LYSMD4: variants seen among roughly 807,000 people sequenced by gnomAD.
LYSMD4 encodes the protein LysM domain containing 4, also known as lysM and putative peptidoglycan-binding domain-containing protein 4.
In LYSMD4, 9 loss-of-function variants were observed where a neutral mutation model predicts 6.1. The ratio of observed to expected loss-of-function variants is 1.47; its 90% CI spans 0.88 to 2.56. LYSMD4 has a LOEUF of 2.56. Ranked by LOEUF, LYSMD4 falls within the 30% of genes most tolerant of loss-of-function variation. The probability of loss-of-function intolerance (pLI) is 0.00; values close to 1 mark genes in which losing one functional copy is unlikely to be tolerated. For missense variants in LYSMD4, 384 were observed against 373.5 expected, an observed-to-expected ratio of 1.03 and a Z score of -0.23; for synonymous variants, 143 against 148.5, an observed-to-expected ratio of 0.96 and a Z score of 0.27.
intron 2 of LYSMD4, 35 bp from the exon 3 acceptor site, chr15:99,729,766 G>A (rs765368375): frequency 6.4e-7 from 1 of 1,552,304 alleles, no homozygotes; most frequent in East Asian, 2.3e-5. Flanking sequence ...CATAAAATAT[G>A]CGGAGCTCCT....
chr15:99,723,309 C>T (rs965307373), downstream of LYSMD4, among the ~76,000 whole-genome samples: 5 of 152,278 alleles, frequency 3.3e-5, no homozygotes, highest in South Asian at 4.1e-4. Flanking sequence ...AAAGCCACAC[C>T]GAGGCCCCTC....
chr15:99,720,479 C>T (rs2059229672), upstream of LYSMD4, among the ~76,000 whole-genome samples: 1 of 152,168 alleles, frequency 6.6e-6, no homozygotes, highest in African/African-American at 2.4e-5. Context: ...ACACAAGTTT[C>T]AAGGCTCTCA....
upstream of LYSMD4, among the ~76,000 whole-genome samples, chr15:99,718,784 T>C (rs549802301): frequency 6.6e-6 from 1 of 152,330 alleles, no homozygotes; most frequent in Admixed American, 6.5e-5. Flanking sequence ...CTATTCCTGG[T>C]TCCCTTTATT....
chr15:99,718,063 A>G (rs1400505575), upstream of LYSMD4, among the ~76,000 whole-genome samples: 3 of 152,228 alleles, frequency 2.0e-5, no homozygotes, highest in Admixed American at 1.3e-4. Flanking sequence ...TAAATACCTT[A>G]CTTGAATCTC....
In LYSMD4 at chr15:99,731,288, AC is replaced by A. The variant is rs2059403354; in HGVS notation, c.282+429del. ...TCTAAACGAGAGAAGGTAAAACTTT[AC>A]CAAAAGTCAAGTAAGCTACCACCAA... is the stretch of plus-strand genomic sequence containing the variant. On this transcript the variant is annotated intron_variant, in intron 2 of 2. Transcript: ENST00000684762. The A allele has an allele frequency of 4.4e-6, 7 of 1,601,188 alleles. No homozygotes were observed. In the South Asian group the frequency reaches 4.5e-5, roughly 10 times the overall value.
downstream of LYSMD4, among the ~76,000 whole-genome samples, chr15:99,726,334 G>C (rs922660457): frequency 6.6e-6 from 1 of 151,822 alleles, no homozygotes; most frequent in African/African-American, 2.4e-5. Flanking sequence ...AGTAGAGAGG[G>C]GATTCCACCA....
chr15:99,733,112 G>C (rs959108243), intron 1 of LYSMD4: 1 of 364,794 alleles, frequency 2.7e-6, no homozygotes, highest in Non-Finnish European at 4.9e-6. Context: ...CTCCACGGGC[G>C]GGGCCCTAAC....
At chr15:99,731,287 T>G (rs1255150201) in intron 2 of LYSMD4, 1 of 1,599,922 alleles carries the variant, frequency 6.3e-7, no homozygotes, top group African/African-American at 1.4e-5. Context: ...GGTAAAACTT[T>G]ACCAAAAGTC....
chr15:99,716,746 G>A (rs374630170), exon 1 of LYSMD4: 18 of 454,828 alleles, frequency 4.0e-5, no homozygotes, highest in Middle Eastern at 3.3e-4. Flanking sequence ...CAGTCCCACC[G>A]GGGCCTAATC....
downstream of LYSMD4, among the ~76,000 whole-genome samples, chr15:99,726,884 T>C (rs1008861826): frequency 5.3e-5 from 8 of 152,178 alleles, no homozygotes; most frequent in African/African-American, 1.7e-4. Flanking sequence ...TGTATACAGA[T>C]CAATCAGTGA....
exon 1 of LYSMD4, chr15:99,716,727 T>C (rs1483065651): frequency 2.2e-6 from 1 of 456,424 alleles, no homozygotes; most frequent in Non-Finnish European, 4.4e-6. Context: ...TAGGAAGCAG[T>C]GGGCCACGCA....
downstream of LYSMD4, among the ~76,000 whole-genome samples, chr15:99,722,476 CA>C (rs1034165932): frequency 6.6e-6 from 1 of 152,194 alleles, no homozygotes; most frequent in Non-Finnish European, 1.5e-5. Flanking sequence ...CATCCAACAA[CA>C]TAAAATTCAC....
At chr15:99,725,879 C>T (rs2059275292), downstream of LYSMD4, among the ~76,000 whole-genome samples, 1 of 152,160 alleles carries the variant, frequency 6.6e-6, no homozygotes, top group Non-Finnish European at 1.5e-5. Flanking sequence ...CTCCCAAACA[C>T]CCCCATTTAC....
At chr15:99,726,286 G>A (rs989323385), downstream of LYSMD4, among the ~76,000 whole-genome samples, 3 of 150,144 alleles carry the variant, frequency 2.0e-5, no homozygotes, top group African/African-American at 7.3e-5. Context: ...CAGGACTACA[G>A]GCCCACATCA....
At chr15:99,731,532 T>C (rs750564453) in intron 2 of LYSMD4, 186 bp downstream of exon 2, 59 of 1,554,254 alleles carry the variant, frequency 3.8e-5, no homozygotes, top group Admixed American at 6.4e-5. Context: ...GGGGCCAGGG[T>C]TGGGAACTAA....
chr15:99,724,729 C>G (rs544879669), downstream of LYSMD4, among the ~76,000 whole-genome samples: 1 of 152,294 alleles, frequency 6.6e-6, no homozygotes, highest in East Asian at 1.9e-4. Context: ...TGGTGATGTA[C>G]AACAACCCAG....
At chr15:99,732,866 C>T (rs76746018) in intron 1 of LYSMD4, 11,126 of 153,596 alleles carry the variant, frequency 0.072, 520 homozygotes, top group East Asian at 0.17. Flanking sequence ...CCCCGCTCCG[C>T]GCGCTCCTGA....
chr15:99,716,652 A>G (rs781547114), exon 1 of LYSMD4: 3 of 456,656 alleles, frequency 6.6e-6, no homozygotes, highest in Non-Finnish European at 1.3e-5. Flanking sequence ...AACCGTCCCA[A>G]CGCCCCCACT....
chr15:99,729,941 A>G (rs1469934134), intron 2 of LYSMD4, among the ~76,000 whole-genome samples: 1 of 152,238 alleles, frequency 6.6e-6, no homozygotes, highest in African/African-American at 2.4e-5. Context: ...TATATAGTTT[A>G]GTAATCAGAT....
Sources: gnomAD v4.1 joint callset for allele counts (sites outside exome capture counted in the v4.1 genomes callset) on GRCh38, gnomAD v4.1.1 for gene constraint, MANE v1.5 for transcripts, NCBI Gene and HGNC (gene_info 2026-07-23, HGNC 2026-07-21) for gene names.